Variants in PHKB observed in about 807,000 individuals in gnomAD.
The protein encoded by PHKB is phosphorylase kinase regulatory subunit beta, also known as phosphorylase b kinase regulatory subunit beta.
In PHKB, 122 loss-of-function variants were observed where a neutral mutation model predicts 152.1. That is an observed-to-expected ratio of 0.80 (90% CI 0.69 to 0.93). PHKB has a LOEUF of 0.93. PHKB is among the 40% of genes least tolerant of loss of function. PHKB has a pLI of 0.00. For synonymous variants in PHKB, 436 were observed against 464.9 expected (o/e 0.94, Z 0.80); for missense variants, 1,304 against 1,328.4 (o/e 0.98, Z 0.29).
chr16:47,627,876 C>A (rs1340267097), intron 14 of PHKB, among the ~76,000 whole-genome samples: 1 of 152,110 alleles, frequency 6.6e-6, no homozygotes, highest in African/African-American at 2.4e-5. Flanking sequence ...TACTTGGCTT[C>A]TATGGGAAAA....
Position 47,470,620 on chromosome 16 carries a change from C to G in PHKB, c.76+9194C>G, listed in dbSNP as rs187517380. 5.9e-5 allele frequency among the ~76,000 whole-genome samples: 9 copies of G among 152,310 alleles called. No individual in the cohort carries two copies. In the East Asian group the frequency reaches 1.5e-3, roughly 26 times the overall value. On this transcript the variant is annotated intron_variant, in intron 1 of 30. Transcript: ENST00000323584. ...TATTACTATTCCCTTTTGAAAAACT[C>G]ACAGCACAGGGAAGTAAAGTAACTT...
intron 14 of PHKB, among the ~76,000 whole-genome samples, chr16:47,638,130 C>G (rs535292818): frequency 6.6e-6 from 1 of 152,218 alleles, no homozygotes; most frequent in Non-Finnish European, 1.5e-5. Flanking sequence ...CATGCACATT[C>G]AGACCATAGC....
chr16:47,612,658 CACG>C (rs1347762238), intron 14 of PHKB, among the ~76,000 whole-genome samples: 1 of 152,186 alleles, frequency 6.6e-6, no homozygotes, highest in Non-Finnish European at 1.5e-5. Flanking sequence ...CTCCTGTAGC[CACG>C]TGGCAGATTA....
chr16:47,487,416 T>C (rs1460955804), intron 1 of PHKB, among the ~76,000 whole-genome samples: 2 of 384 alleles, frequency 5.2e-3, no homozygotes, highest in Non-Finnish European at 0.05. Flanking sequence ...CAAGAGTTTA[T>C]ATATATATAT....
At chr16:47,598,700 G>C in intron 13 of PHKB, 2 of 1,564,512 alleles carry the variant, frequency 1.3e-6, no homozygotes, top group Non-Finnish European at 1.8e-6. Context: ...TCCACTAATG[G>C]CGCCCATGGT....
At chr16:47,504,594 A>G (rs1970379136) in intron 4 of PHKB, among the ~76,000 whole-genome samples, 1 of 152,266 alleles carries the variant, frequency 6.6e-6, no homozygotes, top group Admixed American at 6.5e-5. Flanking sequence ...GACAATCTGC[A>G]TAAATGAATG....
intron 1 of PHKB, among the ~76,000 whole-genome samples, chr16:47,489,330 T>G (rs1970105351): frequency 6.6e-6 from 1 of 152,208 alleles, no homozygotes; most frequent in South Asian, 2.1e-4. Context: ...GACAAATGTG[T>G]GATATGTTTT....
At chr16:47,527,927 C>T (rs994139671) in intron 6 of PHKB, among the ~76,000 whole-genome samples, 1 of 152,120 alleles carries the variant, frequency 6.6e-6, no homozygotes, top group African/African-American at 2.4e-5. Flanking sequence ...CCAGACCTGC[C>T]AACACCTTGG....
intron 1 of PHKB, among the ~76,000 whole-genome samples, chr16:47,469,252 T>C (rs1969722579): frequency 6.6e-6 from 1 of 152,196 alleles, no homozygotes; most frequent in Non-Finnish European, 1.5e-5. Flanking sequence ...TGTCATAATA[T>C]GGTTATTATA....
intron 6 of PHKB, among the ~76,000 whole-genome samples, chr16:47,530,611 A>G (rs1970846101): frequency 1.3e-5 from 2 of 152,220 alleles, no homozygotes; most frequent in South Asian, 2.1e-4. Flanking sequence ...TAAACTACTA[A>G]AAGTCATTAA....
chr16:47,650,955 C>T, intron 20 of PHKB, 34 bp downstream of exon 20: 2 of 1,388,254 alleles, frequency 1.4e-6, no homozygotes, highest in Non-Finnish European at 2.1e-6. Flanking sequence ...CATCTATTTT[C>T]AGGACAGTTA....
intron 3 of PHKB, among the ~76,000 whole-genome samples, chr16:47,501,284 C>G (rs1454783255): frequency 1.3e-5 from 2 of 152,092 alleles, no homozygotes; most frequent in Non-Finnish European, 2.9e-5. Flanking sequence ...CTTGCCTGGA[C>G]TCTTTAAAAA....
rs1403478006 is a variant in PHKB, at chr16:47,669,364, G to C, written c.2577G>C (p.Trp859Cys). 6.2e-7 allele frequency: 1 copy of C among 1,614,136 alleles called. No individual in the cohort carries two copies. Among genetic ancestry groups the C allele is most frequent in the South Asian group, 1.1e-5 (1 of 91,074 alleles). Residue 859 changes from tryptophan to cysteine, a missense_variant, in exon 26 of 31, where the codon TGG becomes TGC. Transcript: ENST00000323584. Reference sequence around the variant, plus strand: ...AAGAACTGGTCATCCATATTGGCTGGATCATCTCCAATAACCCTGAGTTAT... The same window carrying C: ...AAGAACTGGTCATCCATATTGGCTGCATCATCTCCAATAACCCTGAGTTAT... ...IQQELVIHIGWIISNNPELFS... is the reference protein window; with the variant it reads ...IQQELVIHIGCIISNNPELFS...
chr16:47,678,784 A>G (rs1443013561), intron 26 of PHKB, among the ~76,000 whole-genome samples: 2 of 151,812 alleles, frequency 1.3e-5, no homozygotes, highest in Non-Finnish European at 1.5e-5. Flanking sequence ...ATTAGATCCC[A>G]TTTGTCAATT....
intron 7 of PHKB, chr16:47,566,394 A>G: frequency 6.3e-7 from 1 of 1,577,434 alleles, no homozygotes; most frequent in Admixed American, 1.7e-5. Context: ...AGCAACGTCC[A>G]CTCAAATTCT....
At position 47,636,941 on chromosome 16, in the gene PHKB, A is replaced by G. The variant is rs569875221; in HGVS notation, c.1459-4094A>G. Among the ~76,000 whole-genome samples the G allele has an allele frequency of 3.8e-3, 584 of 152,242 alleles. 2 individuals are homozygous for G. Among genetic ancestry groups the G allele is most frequent in the Non-Finnish European group, 6.7e-3 (454 of 68,010 alleles). On this transcript the variant is annotated intron_variant, in intron 14 of 30. Coordinates refer to ENST00000323584, the MANE Select transcript of PHKB (RefSeq NM_000293.3). The stretch of plus-strand genomic sequence containing the variant: ...AACTGTGCTTTTTCCGGGCCCACCC[A>G]TGGCCGCCCATGGACCGATCAGCAT...
chr16:47,466,035 A>G (rs1043727824), intron 1 of PHKB, among the ~76,000 whole-genome samples: 1 of 152,138 alleles, frequency 6.6e-6, no homozygotes, highest in African/African-American at 2.4e-5. Context: ...AACCCTTCAT[A>G]TTCCTTCTGG....
At chr16:47,560,262 A>G (rs2065755222) in intron 7 of PHKB, among the ~76,000 whole-genome samples, 1 of 152,236 alleles carries the variant, frequency 6.6e-6, no homozygotes, top group Non-Finnish European at 1.5e-5. Flanking sequence ...GATTAACAAA[A>G]GAAGTGTAAG....
At chr16:47,472,016 A>C (rs769081095) in intron 1 of PHKB, among the ~76,000 whole-genome samples, 3 of 152,198 alleles carry the variant, frequency 2.0e-5, no homozygotes, top group Non-Finnish European at 4.4e-5. Flanking sequence ...AGATTGCACC[A>C]CTGCACTCCA....
Sources: allele counts gnomAD v4.1 joint callset (sites outside exome capture counted in the v4.1 genomes callset), GRCh38; gene constraint gnomAD v4.1.1; transcripts MANE v1.5; gene names NCBI Gene and HGNC (gene_info 2026-07-23, HGNC 2026-07-21).